The following NUP210 variants were observed in gnomAD, a reference collection of about 807,000 sequenced individuals.
NUP210 encodes the protein nuclear pore membrane glycoprotein 210.
NUP210 carries 151 observed loss-of-function variants against 196.0 expected under a neutral mutation model. That is an observed-to-expected ratio of 0.77 (90% CI 0.67 to 0.88). The LOEUF is 0.88. Ranked by LOEUF, NUP210 falls within the 40% of genes least tolerant of loss-of-function variation. The probability of loss-of-function intolerance (pLI) is 0.00; values close to 1 mark genes in which losing one functional copy is unlikely to be tolerated. For synonymous variants in NUP210, 1,070 were observed against 1,052.7 expected (o/e 1.02, Z -0.32); for missense variants, 2,314 against 2,493.7 (o/e 0.93, Z 1.53).
At chr3:13,353,844 G>A in intron 17 of NUP210, 71 bp downstream of exon 17, 1 of 1,455,890 alleles carries the variant, frequency 6.9e-7, no homozygotes, top group Non-Finnish European at 9.4e-7. Context: ...ACAGGCACTG[G>A]CCCACCTTGG....
chr3:13,410,459 T>C (rs867837074), intron 1 of NUP210, among the ~76,000 whole-genome samples: 1 of 147,402 alleles, frequency 6.8e-6, no homozygotes, highest in South Asian at 2.4e-4. Context: ...ATTACAGGCG[T>C]GAGCCACTGT....
At chr3:13,362,352 T>G (rs544697131) in intron 14 of NUP210, among the ~76,000 whole-genome samples, 1 of 152,222 alleles carries the variant, frequency 6.6e-6, no homozygotes, top group South Asian at 2.1e-4. Context: ...TCCATTGCTG[T>G]GGGGGTCAGC....
rs1180496413 is a variant in NUP210, at chr3:13,348,613, T to G, written c.2835+3266A>C. On this transcript the variant is annotated intron_variant, in intron 20 of 39. Coordinates refer to ENST00000254508, the MANE Select transcript of NUP210 (RefSeq NM_024923.4). This position sits in a 1 kb window ranked among gnomAD's most constrained non-coding sequence, Gnocchi z 4.0. ...GGCTGGAGGAAGAGCTGGGGAATTG[T>G]TCTTTCTTCTATGAGGGGATAAGAA... 1 of 985,340 alleles carries G rather than the reference T, an allele frequency of 1.0e-6. No individual in the cohort carries two copies. 61.0% of individuals were successfully genotyped at this position (985,340 alleles called of 1,614,324 possible). A position where few individuals can be genotyped will look rare whatever the true frequency, so the allele number is the denominator to read the frequency against.
rs1698917122 is a variant in NUP210, at chr3:13,376,541, G to T, written c.1153-110C>A. The T allele has an allele frequency of 2.0e-5, 24 of 1,208,774 alleles. No homozygotes were observed. In the South Asian group the frequency reaches 2.7e-4, roughly 13 times the overall value. 74.9% of individuals were successfully genotyped at this position (1,208,774 alleles called of 1,614,324 possible). On this transcript the variant is annotated intron_variant, in intron 9 of 39. Transcript: ENST00000254508. The stretch of plus-strand genomic sequence containing the variant: ...AACCAGCAGCCAGGCCAGGCCAAGG[G>T]GCCCCCTGGGGCTCAGCAGCCTCCA...
chr3:13,330,734 C>T, intron 29 of NUP210, 100 bp from the exon 30 acceptor site: 1 of 1,209,980 alleles, frequency 8.3e-7, no homozygotes, highest in Non-Finnish European at 1.2e-6. Context: ...TCCTCATGCT[C>T]CTGGGAGGAA....
rs898024467 is a variant in NUP210 at position 13,335,778 on chromosome 3, C to T, written c.3685-166G>A. On this transcript the variant is annotated intron_variant, in intron 27 of 39. Transcript: ENST00000254508. ...CTGCCTGGGTTGGGTCTGCTAACCC[C>T]AGAGCTGTGCAGACCCGGCTTCCCC... Among the ~76,000 whole-genome samples, 6 of 152,260 alleles carry T rather than the reference C, an allele frequency of 3.9e-5. No homozygotes were observed. The East Asian group carries it at 9.6e-4, about 24-fold the overall frequency.
intron 14 of NUP210, among the ~76,000 whole-genome samples, chr3:13,360,990 C>T (rs1698351564): frequency 6.6e-6 from 1 of 152,210 alleles, no homozygotes; most frequent in Non-Finnish European, 1.5e-5. Context: ...GCAGTCTTCG[C>T]AAAGATCTAC....
chr3:13,365,337 C>A (rs1004434475), intron 14 of NUP210, among the ~76,000 whole-genome samples: 4 of 152,184 alleles, frequency 2.6e-5, no homozygotes, highest in African/African-American at 7.2e-5. Context: ...ATTTTACAGG[C>A]AGGGAATGTA....
chr3:13,369,388 G>A (rs547743055), intron 13 of NUP210, among the ~76,000 whole-genome samples: 1 of 152,154 alleles, frequency 6.6e-6, no homozygotes, highest in South Asian at 2.1e-4. Context: ...GTACTCTGTG[G>A]TGTCCTTTGA....
chr3:13,337,780 G>A (rs1467161243), intron 26 of NUP210, 57 bp downstream of exon 26: 11 of 1,494,036 alleles, frequency 7.4e-6, no homozygotes, highest in South Asian at 1.2e-5. Context: ...CTTGAGGACA[G>A]GGTCCCAGCA....
At chr3:13,397,322 G>A in intron 3 of NUP210, 35 bp downstream of exon 3, 2 of 1,599,434 alleles carry the variant, frequency 1.3e-6, no homozygotes, top group East Asian at 2.3e-5. Flanking sequence ...TCTAGCATGG[G>A]CTGCAGAAGA....
rs930798376 is a variant in NUP210, at chr3:13,347,129, C to T, written c.2836-3826G>A. 1 of 985,302 alleles carries T rather than the reference C, an allele frequency of 1.0e-6. No individual in the cohort carries two copies. The highest frequency in any genetic ancestry group is 1.2e-6 in the Non-Finnish European group (1 of 829,930). The allele number at this position is 985,302 out of a possible 1,614,324, so 61.0% of individuals were successfully genotyped here. On this transcript the variant is annotated intron_variant, in intron 20 of 39. Coordinates refer to ENST00000254508, the MANE Select transcript of NUP210 (RefSeq NM_024923.4). The surrounding 1 kb of genome is among the most constrained non-coding windows in gnomAD (Gnocchi z 4.7). ...CATGACGGGCTGCGCCTCACAGGACCCAGGAGATGGAGAGAAGCAGCCGCA... is the reference window on the plus strand; with the variant it reads ...CATGACGGGCTGCGCCTCACAGGACTCAGGAGATGGAGAGAAGCAGCCGCA...
At chr3:13,341,085 C>T (rs62232827) in intron 23 of NUP210, 2,871 of 152,370 alleles carry the variant, frequency 0.019, 49 homozygotes, top group African/African-American at 0.041. Context: ...CCGAGTGGCC[C>T]GGATGCAGGG....
At chr3:13,399,902 C>T in intron 1 of NUP210, 41 bp from the exon 2 acceptor site, 1 of 1,567,144 alleles carries the variant, frequency 6.4e-7, no homozygotes, top group South Asian at 1.2e-5. Flanking sequence ...TGGAGCTGCA[C>T]TGCAAGGCAC....
rs143065885 is a variant in NUP210, at chr3:13,361,051, G to A, written c.1933-560C>T. Among the ~76,000 whole-genome samples the A allele has an allele frequency of 3.3e-5, 5 of 152,344 alleles. No individual in the cohort carries two copies. In the East Asian group the frequency reaches 9.6e-4, roughly 29 times the overall value. ...GCCGTTTGATCACAATCATGTTGCT[G>A]TAAAAAGCATAAAACCATCCTAAAG... On this transcript the variant is annotated intron_variant, in intron 14 of 39. Coordinates refer to ENST00000254508, the MANE Select transcript of NUP210 (RefSeq NM_024923.4).
chr3:13,365,932 G>A lies in NUP210; in HGVS notation c.1932+14C>T. 6.2e-7 allele frequency: 1 copy of A among 1,613,766 alleles called. No individual in the cohort carries two copies. Among genetic ancestry groups the A allele is most frequent in the Non-Finnish European group, 8.5e-7 (1 of 1,179,686 alleles). ...TGGGCAGGGGGGTGGTAAAGGGCAG[G>A]GCCCCTGGCTCACCTTGAGGGGCAG... On this transcript the variant is annotated intron_variant, in intron 14 of 39. Transcript: ENST00000254508.
chr3:13,388,084 A>G (rs1056756915), intron 5 of NUP210, among the ~76,000 whole-genome samples: 1 of 152,144 alleles, frequency 6.6e-6, no homozygotes, highest in Non-Finnish European at 1.5e-5. Context: ...GCACCCCTAG[A>G]GATGCTTTCT....
chr3:13,326,022 G>A (rs535611942), intron 32 of NUP210, 91 bp from the exon 33 acceptor site: 23 of 1,498,712 alleles, frequency 1.5e-5, no homozygotes, highest in East Asian at 6.8e-5. Flanking sequence ...CAGCTTCCTC[G>A]CTGGCTGCCG....
chr3:13,390,578 C>T (rs1407885400), intron 4 of NUP210, among the ~76,000 whole-genome samples: 4 of 152,204 alleles, frequency 2.6e-5, no homozygotes, highest in African/African-American at 9.6e-5. Context: ...CTCTGGGGCC[C>T]GTGGCTCCCA....
Sources: allele counts gnomAD v4.1 joint callset (sites outside exome capture counted in the v4.1 genomes callset), GRCh38; gene constraint gnomAD v4.1.1; non-coding constraint Gnocchi (gnomAD v3.1); transcripts MANE v1.5; gene names NCBI Gene and HGNC (gene_info 2026-07-23, HGNC 2026-07-21).